BRIP1: variants seen among roughly 807,000 people sequenced by gnomAD.
BRIP1 encodes the protein Fanconi anemia group J protein.
Under a neutral mutation model 119.7 loss-of-function variants are expected in BRIP1, and 88 were observed. The observed-to-expected ratio is 0.74, with a 90% confidence interval of 0.62 to 0.88. The LOEUF (loss-of-function observed/expected upper bound fraction) is 0.88, where lower values mean the gene tolerates loss of function less well. BRIP1 is among the 40% of genes least tolerant of loss of function. The probability of loss-of-function intolerance (pLI) is 0.00; values close to 1 mark genes in which losing one functional copy is unlikely to be tolerated. For synonymous variants in BRIP1, 443 were observed against 496.5 expected, an observed-to-expected ratio of 0.89 and a Z score of 1.43; for missense variants, 1,259 against 1,455.4, an observed-to-expected ratio of 0.87 and a Z score of 2.20.
chr17:61,838,734 T>C (rs1184208034), intron 6 of BRIP1, among the ~76,000 whole-genome samples: 2 of 151,474 alleles, frequency 1.3e-5, no homozygotes, highest in East Asian at 3.9e-4. Context: ...ACAGATAAAA[T>C]GTGAGGCATT....
rs2061247649 is a variant in BRIP1 at position 61,679,184 on chromosome 17, A to G, written c.*4112T>C. Among the ~76,000 whole-genome samples the G allele has an allele frequency of 6.6e-6, 1 of 152,220 alleles. No homozygotes were observed. Among genetic ancestry groups the G allele is most frequent in the African/African-American group, 2.4e-5 (1 of 41,456 alleles). Reference sequence around the variant, plus strand: ...ATAGGAAAGTAATACAAAAAAGTCCAGTTGCAGAAAAATAACGGGGAAAAG... The same window carrying G: ...ATAGGAAAGTAATACAAAAAAGTCCGGTTGCAGAAAAATAACGGGGAAAAG... On this transcript the variant is annotated 3_prime_UTR_variant, in exon 20 of 20. Transcript: ENST00000259008. This position sits in a 1 kb window ranked among gnomAD's most constrained non-coding sequence, Gnocchi z 4.4.
intron 14 of BRIP1, among the ~76,000 whole-genome samples, chr17:61,771,022 G>T (rs2144960238): frequency 6.6e-6 from 1 of 152,298 alleles, no homozygotes; most frequent in East Asian, 1.9e-4. Context: ...ACTATATGCT[G>T]TCTATAAGAG....
In BRIP1 at chr17:61,794,978, C is replaced by A. The variant is rs926915587; in HGVS notation, c.1341-1249G>T. ...GAAAGAAAGCCAATATGATTTGCAG[C>A]ACAATGGGCAAAAATGAATAATGGT... is the stretch of plus-strand genomic sequence containing the variant. On this transcript the variant is annotated intron_variant, in intron 9 of 19. Transcript: ENST00000259008. The surrounding 1 kb of genome is among the most constrained non-coding windows in gnomAD (Gnocchi z 4.3). 2.0e-5 allele frequency among the ~76,000 whole-genome samples: 3 copies of A among 151,822 alleles called. No homozygotes were observed. The highest frequency in any genetic ancestry group is 4.4e-5 in the Non-Finnish European group (3 of 67,944).
At position 61,846,177 on chromosome 17, in the gene BRIP1, C is replaced by T. The variant is rs761060172; in HGVS notation, c.627+924G>A. ...CAGCCTGGGTGACAGAGCGATACTC[C>T]GTCTCAAAAAAAAATTAAAATAAAT... On this transcript the variant is annotated intron_variant, in intron 6 of 19. Coordinates refer to ENST00000259008, the MANE Select transcript of BRIP1 (RefSeq NM_032043.3). This position sits in a 1 kb window ranked among gnomAD's most constrained non-coding sequence, Gnocchi z 4.3. Among the ~76,000 whole-genome samples, 9 of 145,954 alleles carry T rather than the reference C, an allele frequency of 6.2e-5. No individual in the cohort carries two copies. Among genetic ancestry groups the T allele is most frequent in the Non-Finnish European group, 1.2e-4 (8 of 66,730 alleles).
chr17:61,835,437 C>T (rs1045616020), intron 6 of BRIP1, among the ~76,000 whole-genome samples: 3 of 151,896 alleles, frequency 2.0e-5, no homozygotes, highest in South Asian at 2.1e-4. Flanking sequence ...CAAATGCTGG[C>T]AGGCTGAAGG....
rs542484674 is a variant in BRIP1, at chr17:61,735,333, TA to T, written c.2379+7679del. ...AGTTATTCCCATGATTTTTTAATTTTATTTTTTTCCTCACAATTTTATTAAG... is the reference window on the plus strand; with the variant it reads ...AGTTATTCCCATGATTTTTTAATTTTTTTTTTTCCTCACAATTTTATTAAG... On this transcript the variant is annotated intron_variant, in intron 16 of 19. Coordinates refer to ENST00000259008, the MANE Select transcript of BRIP1 (RefSeq NM_032043.3). The surrounding 1 kb of genome is among the most constrained non-coding windows in gnomAD (Gnocchi z 4.4). Among the ~76,000 whole-genome samples, 15 of 152,310 alleles carry T rather than the reference TA, an allele frequency of 9.8e-5. No homozygotes were observed. In the East Asian group the frequency reaches 2.7e-3, roughly 27 times the overall value.
At chr17:61,685,625 C>T in intron 19 of BRIP1, 1 of 564,968 alleles carries the variant, frequency 1.8e-6, no homozygotes. Flanking sequence ...GTGGCAAAGC[C>T]AGTTAGTGGA....
chr17:61,819,377 G>A (rs2078286928), intron 6 of BRIP1, among the ~76,000 whole-genome samples: 3 of 152,156 alleles, frequency 2.0e-5, no homozygotes, highest in Admixed American at 2.0e-4. Flanking sequence ...CCCACTGCTA[G>A]GTGTATATCC....
At position 61,683,946 on chromosome 17, in the gene BRIP1, G is replaced by T. The variant is rs765416041; in HGVS notation, c.3100C>A (p.Pro1034Thr). ...TCCATCTTCTCTGTTTTGAAACGGG[G>T]AGGACTAGAGGCACTATTCTCTGAT... ...GSSENSASSP[P>T]RFKTEKMESK... Residue 1034 changes from proline (P) to threonine (T), a missense_variant, in exon 20 of 20, where the codon CCC becomes ACC. Pro to Thr is a conservative substitution (Grantham distance 38). This residue lies in a region of BRIP1 where 753 missense variants were observed against 891.8 expected (regional missense o/e 0.84). Coordinates refer to ENST00000259008, the MANE Select transcript of BRIP1 (RefSeq NM_032043.3). The surrounding 1 kb of genome is among the most constrained non-coding windows in gnomAD (Gnocchi z 4.7). 6.2e-7 allele frequency: 1 copy of T among 1,614,164 alleles called. No individual in the cohort carries two copies. Among genetic ancestry groups the T allele is most frequent in the Admixed American group, 1.7e-5 (1 of 60,026 alleles).
In BRIP1 at chr17:61,705,570, AT is replaced by A. The variant is rs2061679892; in HGVS notation, c.2492+10380del. 6.6e-6 allele frequency among the ~76,000 whole-genome samples: 1 copy of A among 151,862 alleles called. No individual in the cohort carries two copies. The highest frequency in any genetic ancestry group is 2.4e-5 in the African/African-American group (1 of 41,344). ...AATTCATCAATTTATACTTGTTTTT[AT>A]TACTCCTTTTTTTCCTGTTTGCCTC... On this transcript the variant is annotated intron_variant, in intron 17 of 19. Coordinates refer to ENST00000259008, the MANE Select transcript of BRIP1 (RefSeq NM_032043.3). This position sits in a 1 kb window ranked among gnomAD's most constrained non-coding sequence, Gnocchi z 5.0.
In BRIP1 at chr17:61,736,888, A is replaced by T. The variant is rs2076925962; in HGVS notation, c.2379+6125T>A. Among the ~76,000 whole-genome samples, 1 of 152,196 alleles carries T rather than the reference A, an allele frequency of 6.6e-6. No homozygotes were observed. The highest frequency in any genetic ancestry group is 2.1e-4 in the South Asian group (1 of 4,830). On this transcript the variant is annotated intron_variant, in intron 16 of 19. Coordinates refer to ENST00000259008, the MANE Select transcript of BRIP1 (RefSeq NM_032043.3). The surrounding 1 kb of genome is among the most constrained non-coding windows in gnomAD (Gnocchi z 4.4). ...GGTAACTGCAGGTGAATACTACAAT[A>T]TGCTTTTGAATTGCAATTCCTCTGT...
rs1345824362 is a variant in BRIP1, at chr17:61,744,214, G to A, written c.2257+218C>T. Reference sequence around the variant, plus strand: ...CTGAAGACTGTGAGATGATGGCATCGTTTTTCTTAAAGTTGAATCAGCATA... The same window carrying A: ...CTGAAGACTGTGAGATGATGGCATCATTTTTCTTAAAGTTGAATCAGCATA... On this transcript the variant is annotated intron_variant, in intron 15 of 19. Transcript: ENST00000259008. The surrounding 1 kb of genome is among the most constrained non-coding windows in gnomAD (Gnocchi z 5.0). Among the ~76,000 whole-genome samples, 10 of 152,026 alleles carry A rather than the reference G, an allele frequency of 6.6e-5. No homozygotes were observed. Among genetic ancestry groups the A allele is most frequent in the South Asian group, 2.1e-4 (1 of 4,820 alleles).
chr17:61,685,973 A>C lies in BRIP1; in HGVS notation c.2768T>G (p.Leu923Arg). The change falls in exon 19 of 20, where the codon CTG (leucine) becomes CGG (arginine). Residue 923 changes from leucine (L) to arginine (R), a missense_variant. Transcript: ENST00000259008. ...SLKYSTSPYLLEAASHLSPEN... is the reference protein window; with the variant it reads ...SLKYSTSPYLREAASHLSPEN... ...TGGTGATAGATGACTTGCTGCTTCC[A>C]GTAAATAAGGTGAGGTACTGTACTT... The C allele has an allele frequency of 6.2e-7, 1 of 1,614,074 alleles. No individual in the cohort carries two copies. Among genetic ancestry groups the C allele is most frequent in the Non-Finnish European group, 8.5e-7 (1 of 1,179,946 alleles).
At chr17:61,786,378 C>G (rs2077707716) in intron 10 of BRIP1, among the ~76,000 whole-genome samples, 1 of 151,844 alleles carries the variant, frequency 6.6e-6, no homozygotes, top group African/African-American at 2.4e-5. Context: ...GAAACCACTA[C>G]AAGAGATAAA....
Position 61,717,003 on chromosome 17 carries a change from T to C in BRIP1, c.2380-940A>G, listed in dbSNP as rs1188283730. On this transcript the variant is annotated intron_variant, in intron 16 of 19. Coordinates refer to ENST00000259008, the MANE Select transcript of BRIP1 (RefSeq NM_032043.3). This position sits in a 1 kb window ranked among gnomAD's most constrained non-coding sequence, Gnocchi z 4.1. ...TTTATGCTATTGCTGCCATACATTT[T>C]AGTTTTATACATGCTATAAACCCAT... Among the ~76,000 whole-genome samples the C allele has an allele frequency of 6.6e-6, 1 of 152,084 alleles. No individual in the cohort carries two copies. The highest frequency in any genetic ancestry group is 1.5e-5 in the Non-Finnish European group (1 of 67,936).
Position 61,744,535 on chromosome 17 carries a change from C to G in BRIP1, c.2154G>C (p.Glu718Asp), listed in dbSNP as rs1057523978. The G allele has an allele frequency of 6.2e-7, 1 of 1,613,864 alleles. No homozygotes were observed. The highest frequency in any genetic ancestry group is 8.5e-7 in the Non-Finnish European group (1 of 1,179,832). The part of the protein sequence containing the change: ...WLSTGLWHNL[E>D]LVKTVIVEPQ... ...GTTCTACAATGACTGTCTTCACCAA[C>G]TCCAGATTATGCCATAAACCAGTAG... Residue 718 changes from glutamate to aspartate, a missense_variant, in exon 15 of 20, where the codon GAG (glutamate) becomes GAC (aspartate). Glu to Asp is a conservative substitution (Grantham distance 45). This residue lies in a region of BRIP1 where 753 missense variants were observed against 891.8 expected (regional missense o/e 0.84). Transcript: ENST00000259008. The surrounding 1 kb of genome is among the most constrained non-coding windows in gnomAD (Gnocchi z 5.0).
rs544425770 is a variant in BRIP1, at chr17:61,823,114, T to C, written c.628-14357A>G. 6.6e-6 allele frequency among the ~76,000 whole-genome samples: 1 copy of C among 152,316 alleles called. No homozygotes were observed. The highest frequency in any genetic ancestry group is 6.5e-5 in the Admixed American group (1 of 15,300). The stretch of plus-strand genomic sequence containing the variant: ...TACATGTTTCCAATGCTGTTGTCAA[T>C]ATCAATTATCTTCTGAATGAAACGT... On this transcript the variant is annotated intron_variant, in intron 6 of 19. Transcript: ENST00000259008. The surrounding 1 kb of genome is among the most constrained non-coding windows in gnomAD (Gnocchi z 4.8).
chr17:61,862,670 CG>C lies in BRIP1; in HGVS notation c.-31+613del, dbSNP rs1200579713. 6.6e-6 allele frequency among the ~76,000 whole-genome samples: 1 copy of C among 152,070 alleles called. No individual in the cohort carries two copies. The highest frequency in any genetic ancestry group is 1.5e-5 in the Non-Finnish European group (1 of 68,004). On this transcript the variant is annotated intron_variant, in intron 1 of 19. Transcript: ENST00000259008. The surrounding 1 kb of genome is among the most constrained non-coding windows in gnomAD (Gnocchi z 5.3). ...ATATATCTCAAGGAAATCAAAATAG[CG>C]GGGGAAATTACATGCACTGTTATTA... is the stretch of plus-strand genomic sequence containing the variant.
chr17:61,741,698 G>A (rs555238370), intron 16 of BRIP1, among the ~76,000 whole-genome samples: 1 of 152,204 alleles, frequency 6.6e-6, no homozygotes, highest in African/African-American at 2.4e-5. Flanking sequence ...CTGAGGAGTA[G>A]ATCTCAATAA....
Sources: gnomAD v4.1 joint callset for allele counts (sites outside exome capture counted in the v4.1 genomes callset) on GRCh38, gnomAD v4.1.1 for gene constraint, gnomAD v4.1.1 regional missense constraint, Gnocchi (gnomAD v3.1) non-coding constraint, MANE v1.5 for transcripts, NCBI Gene and HGNC (gene_info 2026-07-23, HGNC 2026-07-21) for gene names.